Variants in ZNF875 observed in about 807,000 individuals in gnomAD.
The protein encoded by ZNF875 is HKR1, GLI-Kruppel zinc finger family member.
ZNF875 carries 14 observed loss-of-function variants against 11.2 expected under a neutral mutation model. That is an observed-to-expected ratio of 1.26 (90% CI 0.83 to 1.96). ZNF875 has a LOEUF of 1.96. ZNF875 is among the 30% of genes most tolerant of loss of function. The pLI is 0.00. For missense variants in ZNF875, 752 were observed against 760.4 expected (o/e 0.99, Z 0.13); for synonymous variants, 301 against 281.1 (o/e 1.07, Z -0.71).
chr19:37,325,128 G>A (rs140121289), intron 4 of ZNF875: 3 of 152,230 alleles, frequency 2.0e-5, no homozygotes, highest in Non-Finnish European at 4.4e-5. Flanking sequence ...GTGACTTAGC[G>A]GTATGTTTTT....
intron 4 of ZNF875, 142 bp downstream of exon 4, chr19:37,348,014 G>A (rs555477570): frequency 2.3e-5 from 14 of 597,190 alleles, no homozygotes; most frequent in South Asian, 8.3e-5. Flanking sequence ...TCTTCTTTCC[G>A]GAACATAATC....
intron 2 of ZNF875, chr19:37,322,351 A>C (rs1334995047): frequency 2.0e-5 from 3 of 152,146 alleles, no homozygotes; most frequent in East Asian, 1.9e-4. Context: ...GGATATTTTC[A>C]TATTTTACTA....
chr19:37,327,689 C>T (rs1301937332), intron 4 of ZNF875, among the ~76,000 whole-genome samples: 10 of 149,870 alleles, frequency 6.7e-5, no homozygotes, highest in Non-Finnish European at 1.2e-4. Context: ...CGCTTGAACC[C>T]GGAGGCAGAG....
chr19:37,321,707 A>T (rs1408839608), intron 1 of ZNF875, among the ~76,000 whole-genome samples: 1 of 152,130 alleles, frequency 6.6e-6, no homozygotes, highest in African/African-American at 2.4e-5. Flanking sequence ...GGTAGTCAGA[A>T]TTCTTAGGAG....
rs779689256 is a variant in ZNF875, at chr19:37,361,038, A to AT, written c.257-1063dup. Among the ~76,000 whole-genome samples, 397 of 147,348 alleles carry AT rather than the reference A, an allele frequency of 2.7e-3. 3 individuals are homozygous for AT. Among genetic ancestry groups the AT allele is most frequent in the Non-Finnish European group, 2.2e-3 (148 of 66,806 alleles). On this transcript the variant is annotated intron_variant, in intron 4 of 4. Transcript: ENST00000392153. ...AAATTATATAATCTGTGAACAAGAG[A>AT]TTTTTTTTACTTCTTCCTTTCTAGT...
chr19:37,316,298 C>A (rs1349500515), upstream of ZNF875, among the ~76,000 whole-genome samples: 1 of 152,224 alleles, frequency 6.6e-6, no homozygotes, highest in Non-Finnish European at 1.5e-5. Flanking sequence ...AGACGGAGTC[C>A]GTCAGAGAAA....
intron 1 of ZNF875, among the ~76,000 whole-genome samples, chr19:37,321,827 G>C (rs1413760132): frequency 6.6e-6 from 1 of 152,134 alleles, no homozygotes; most frequent in African/African-American, 2.4e-5. Flanking sequence ...GGGAGGAGTG[G>C]CAAGAAATGT....
In ZNF875 at chr19:37,362,601, G is replaced by A. The variant is rs938573006; in HGVS notation, c.749G>A (p.Gly250Glu). ...CTTAGCCTCCAGAAGACACAAACTG[G>A]GGAGACACCTTACATGTACACTGAG... Reference protein sequence around the residue: ...NLLSLQKTQTGETPYMYTEWG... With the variant: ...NLLSLQKTQTEETPYMYTEWG... The change falls in exon 5 of 5, where the codon GGG becomes GAG. Residue 250 changes from glycine (G) to glutamate (E), a missense_variant. Gly to Glu is a moderately conservative substitution (Grantham distance 98). Transcript: ENST00000392153. 1.2e-6 allele frequency: 2 copies of A among 1,614,044 alleles called. No homozygotes were observed. The highest frequency in any genetic ancestry group is 1.1e-5 in the South Asian group (1 of 91,064).
intron 2 of ZNF875, among the ~76,000 whole-genome samples, chr19:37,342,409 A>ATTT (rs66638698): frequency 7.4e-6 from 1 of 135,736 alleles, no homozygotes; most frequent in Non-Finnish European, 1.6e-5. Context: ...ATCCAACTGA[A>ATTT]TTTTTTTTTT....
chr19:37,318,153 C>T (rs2030408303), exon 1 of ZNF875: 1 of 153,876 alleles, frequency 6.5e-6, no homozygotes, highest in African/African-American at 2.4e-5. Flanking sequence ...ATGTAGTTTC[C>T]TGACCTCTGA....
rs570710394 is a variant in ZNF875, at chr19:37,359,589, A to T, written c.257-2520A>T. On this transcript the variant is annotated intron_variant, in intron 4 of 4. Transcript: ENST00000392153. ...TGGCTAATTTTTTGTATTTTAGTAGAGACGGGGTTTCACCATGTTGGCCAG... is the reference window on the plus strand; with the variant it reads ...TGGCTAATTTTTTGTATTTTAGTAGTGACGGGGTTTCACCATGTTGGCCAG... 4.2e-5 allele frequency: 9 copies of T among 212,830 alleles called. No individual in the cohort carries two copies. The East Asian group carries it at 1.6e-3, about 37-fold the overall frequency. 13.2% of individuals were successfully genotyped at this position (212,830 alleles called of 1,614,324 possible). A position where few individuals can be genotyped will look rare whatever the true frequency, so the allele number is the denominator to read the frequency against.
chr19:37,347,148 A>G (rs757418754), intron 2 of ZNF875, 42 bp from the exon 3 acceptor site: 55 of 1,612,792 alleles, frequency 3.4e-5, no homozygotes, highest in East Asian at 6.7e-5. Flanking sequence ...TGGGAGGGAA[A>G]GACAGGCTCC....
Position 37,363,695 on chromosome 19 carries a change from C to T in ZNF875, c.1843C>T (p.Pro615Ser), listed in dbSNP as rs774928747. 5.0e-6 allele frequency: 8 copies of T among 1,613,304 alleles called. No homozygotes were observed. The highest frequency in any genetic ancestry group is 3.3e-5 in the South Asian group (3 of 90,966). ...RHQRTHSGEK[P>S]YICRKCGRGF... ...CCAGAGGACACATTCAGGAGAGAAG[C>T]CTTATATTTGCAGAAAGTGTGGACG... The change falls in exon 5 of 5, where the codon CCT (proline) becomes TCT (serine). Residue 615 changes from proline to serine, a missense_variant. Physicochemically the swap from Pro to Ser is moderately conservative, Grantham distance 74 (BLOSUM62 -1). Coordinates refer to ENST00000392153, the MANE Select transcript of ZNF875 (RefSeq NM_001353803.2).
chr19:37,326,570 T>C (rs2032476215), intron 4 of ZNF875, among the ~76,000 whole-genome samples: 1 of 152,208 alleles, frequency 6.6e-6, no homozygotes, highest in African/African-American at 2.4e-5. Flanking sequence ...AGAATGATTG[T>C]TTTCTTTGAT....
At chr19:37,340,567 GT>G (rs1251856662) in intron 2 of ZNF875, among the ~76,000 whole-genome samples, 8 of 149,370 alleles carry the variant, frequency 5.4e-5, no homozygotes, top group African/African-American at 2.0e-4. Context: ...ATTGTATCCT[GT>G]TGTCTGATGT....
chr19:37,338,905 G>T (rs2035082681), intron 2 of ZNF875, among the ~76,000 whole-genome samples: 1 of 152,158 alleles, frequency 6.6e-6, no homozygotes, highest in Non-Finnish European at 1.5e-5. Flanking sequence ...ACTATCTTAG[G>T]ACATTAGGTA....
intron 2 of ZNF875, among the ~76,000 whole-genome samples, chr19:37,322,862 C>T (rs1362385592): frequency 6.6e-6 from 1 of 152,208 alleles, no homozygotes; most frequent in Non-Finnish European, 1.5e-5. Flanking sequence ...CTGGTGTAAT[C>T]TTCATTGTGT....
chr19:37,338,479 AT>A (rs1186949649), intron 2 of ZNF875, among the ~76,000 whole-genome samples: 1 of 152,130 alleles, frequency 6.6e-6, no homozygotes, highest in Non-Finnish European at 1.5e-5. Flanking sequence ...ATTCTTTCTG[AT>A]TGGCTGGGAA....
chr19:37,334,999 G>A (rs372476419), intron 1 of ZNF875, 170 bp from the exon 2 acceptor site: 1 of 541,010 alleles, frequency 1.8e-6, no homozygotes, highest in Non-Finnish European at 3.4e-6. Context: ...TTGCGGCTGA[G>A]CTTGAGGGTG....
Sources: allele counts gnomAD v4.1 joint callset (sites outside exome capture counted in the v4.1 genomes callset), GRCh38; gene constraint gnomAD v4.1.1; transcripts MANE v1.5; gene names NCBI Gene and HGNC (gene_info 2026-07-23, HGNC 2026-07-21).